Variants in CCDC7 observed in about 807,000 individuals in gnomAD.
CCDC7 encodes the protein coiled-coil domain containing 7, also known as coiled-coil domain-containing protein 7.
CCDC7 carries 183 observed loss-of-function variants against 196.9 expected under a neutral mutation model. The observed-to-expected ratio is 0.93, with a 90% confidence interval of 0.82 to 1.05. CCDC7 has a LOEUF of 1.05. Ranked by LOEUF, CCDC7 falls within the 50% of genes least tolerant of loss-of-function variation. CCDC7 has a pLI of 0.00. For missense variants in CCDC7, 1,540 were observed against 1,482.2 expected (o/e 1.04, Z -0.64); for synonymous variants, 525 against 484.6 (o/e 1.08, Z -1.10).
At chr10:32,691,098 G>A (rs1565155666) in intron 23 of CCDC7, among the ~76,000 whole-genome samples, 2 of 152,126 alleles carry the variant, frequency 1.3e-5, no homozygotes, top group Non-Finnish European at 2.9e-5. Flanking sequence ...TACATTCTCA[G>A]ATTACCACTG....
chr10:32,873,126 T>A (rs971253618), intron 41 of CCDC7, among the ~76,000 whole-genome samples: 3 of 152,064 alleles, frequency 2.0e-5, no homozygotes, highest in Non-Finnish European at 2.9e-5. Context: ...AATATCCTGC[T>A]GAGTGTTTTC....
chr10:32,478,443 T>G (rs2039395516), intron 8 of CCDC7, among the ~76,000 whole-genome samples: 1 of 152,188 alleles, frequency 6.6e-6, no homozygotes, highest in Admixed American at 6.5e-5. Flanking sequence ...CTATAAACTT[T>G]CTGTAGATTT....
intron 24 of CCDC7, among the ~76,000 whole-genome samples, chr10:32,708,255 A>C (rs888549783): frequency 2.0e-5 from 3 of 152,354 alleles, no homozygotes; most frequent in East Asian, 1.9e-4. Context: ...GTGCTAGGAA[A>C]ACTGGCTAGC....
chr10:32,603,309 C>G (rs1203454174), intron 18 of CCDC7, among the ~76,000 whole-genome samples: 1 of 152,010 alleles, frequency 6.6e-6, no homozygotes, highest in Non-Finnish European at 1.5e-5. Context: ...GAATAGTATT[C>G]CATTGTGGAT....
intron 16 of CCDC7, among the ~76,000 whole-genome samples, chr10:32,576,302 TAAAA>T (rs61171117): frequency 1.9e-4 from 28 of 144,270 alleles, no homozygotes; most frequent in Admixed American, 4.1e-4. Context: ...CAAAGGGGGT[TAAAA>T]AAAAAAAAAA....
At chr10:32,759,303 A>T (rs552449860) in intron 28 of CCDC7, among the ~76,000 whole-genome samples, 1 of 152,136 alleles carries the variant, frequency 6.6e-6, no homozygotes, top group African/African-American at 2.4e-5. Context: ...CTAAGCCAAA[A>T]GAACAAAGCT....
intron 21 of CCDC7, among the ~76,000 whole-genome samples, chr10:32,669,511 C>G (rs558147500): frequency 1.3e-5 from 2 of 152,128 alleles, no homozygotes; most frequent in East Asian, 1.9e-4. Flanking sequence ...TCCATGAGGT[C>G]TTAGCTTTTC....
At chr10:32,544,656 C>A (rs1316733090) in intron 13 of CCDC7, among the ~76,000 whole-genome samples, 1 of 152,100 alleles carries the variant, frequency 6.6e-6, no homozygotes, top group Non-Finnish European at 1.5e-5. Context: ...TCCCTTTAAC[C>A]TATTTGAATT....
intron 20 of CCDC7, among the ~76,000 whole-genome samples, chr10:32,638,821 G>C (rs1398689188): frequency 6.6e-6 from 1 of 152,154 alleles, no homozygotes; most frequent in South Asian, 2.1e-4. Context: ...GCTTCTCCTT[G>C]TACCTCTGGT....
chr10:32,757,294 T>C (rs2076626440), intron 28 of CCDC7, among the ~76,000 whole-genome samples: 1 of 152,110 alleles, frequency 6.6e-6, no homozygotes, highest in South Asian at 2.1e-4. Context: ...ATCAACAGAA[T>C]ACACATTCTT....
At chr10:32,590,581 A>T (rs2059693035) in intron 18 of CCDC7, among the ~76,000 whole-genome samples, 1 of 152,076 alleles carries the variant, frequency 6.6e-6, no homozygotes, top group Admixed American at 6.6e-5. Context: ...TGTGAGTTTT[A>T]TACCTTCAAA....
intron 32 of CCDC7, 65 bp from the exon 34 acceptor site, chr10:32,834,750 A>G (rs2092469857): frequency 1.5e-6 from 1 of 681,056 alleles, no homozygotes; most frequent in Non-Finnish European, 2.7e-6. Context: ...TCACATACAC[A>G]CAGCACGGAC....
intron 3 of CCDC7, among the ~76,000 whole-genome samples, chr10:32,457,100 C>T (rs1426908534): frequency 6.6e-6 from 1 of 151,822 alleles, no homozygotes; most frequent in Non-Finnish European, 1.5e-5. Context: ...TTTCTCCTAT[C>T]TAGCTGTAAT....
chr10:32,708,767 T>G (rs535402883), intron 24 of CCDC7, among the ~76,000 whole-genome samples: 1 of 152,222 alleles, frequency 6.6e-6, no homozygotes, highest in African/African-American at 2.4e-5. Flanking sequence ...AAAACCACAA[T>G]GAGATACCAT....
chr10:32,774,545 T>A (rs538751084), intron 28 of CCDC7, among the ~76,000 whole-genome samples: 1 of 152,240 alleles, frequency 6.6e-6, no homozygotes, highest in South Asian at 2.1e-4. Flanking sequence ...AGCATCAGAT[T>A]TTCTTGATTC....
chr10:32,604,430 T>C (rs1371514389), intron 18 of CCDC7, among the ~76,000 whole-genome samples: 1 of 152,178 alleles, frequency 6.6e-6, no homozygotes, highest in Non-Finnish European at 1.5e-5. Flanking sequence ...TCTTTTGTGG[T>C]TCTATAGAGA....
intron 29 of CCDC7, among the ~76,000 whole-genome samples, chr10:32,792,254 A>T (rs1463694599): frequency 6.6e-6 from 1 of 152,226 alleles, no homozygotes; most frequent in African/African-American, 2.4e-5. Flanking sequence ...ATACATATGG[A>T]AGTATAAACT....
intron 9 of CCDC7, among the ~76,000 whole-genome samples, chr10:32,514,817 CTT>C (rs2046775696): frequency 6.6e-6 from 1 of 152,078 alleles, no homozygotes; most frequent in Non-Finnish European, 1.5e-5. Context: ...GACTGTTAAA[CTT>C]AATATTTTTT....
chr10:32,566,922 ATATAT>A (rs2056888304), intron 14 of CCDC7, among the ~76,000 whole-genome samples: 1 of 146,582 alleles, frequency 6.8e-6, no homozygotes, highest in Non-Finnish European at 1.5e-5. Flanking sequence ...TATATATTAT[ATATAT>A]TATAATATGT....
Sources: gnomAD v4.1 joint callset for allele counts (sites outside exome capture counted in the v4.1 genomes callset) on GRCh38, gnomAD v4.1.1 for gene constraint, MANE v1.5 for transcripts, NCBI Gene and HGNC (gene_info 2026-07-23, HGNC 2026-07-21) for gene names.